PRKG2: variants seen among roughly 807,000 people sequenced by gnomAD.
PRKG2 encodes the protein cGMP-dependent protein kinase 2.
PRKG2 carries 33 observed loss-of-function variants against 97.2 expected under a neutral mutation model. The observed-to-expected ratio is 0.34, with a 90% CI of 0.26 to 0.45. The LOEUF is 0.45. Ranked by LOEUF, PRKG2 falls within the 20% of genes least tolerant of loss-of-function variation. PRKG2 has a pLI of 1.00. For synonymous variants in PRKG2, 330 were observed against 321.8 expected, an observed-to-expected ratio of 1.03 and a Z score of -0.27; for missense variants, 638 against 900.0, an observed-to-expected ratio of 0.71 and a Z score of 3.73.
At chr4:81,129,157 T>C (rs1231094157) in intron 14 of PRKG2, among the ~76,000 whole-genome samples, 1 of 152,228 alleles carries the variant, frequency 6.6e-6, no homozygotes, top group East Asian at 1.9e-4. Context: ...AGTTCTAATT[T>C]GATTGCCCTG....
At chr4:81,195,780 C>T (rs1056348528) in intron 2 of PRKG2, among the ~76,000 whole-genome samples, 6 of 152,272 alleles carry the variant, frequency 3.9e-5, no homozygotes, top group African/African-American at 1.4e-4. Context: ...TTGACGGACA[C>T]GGGGTTGTTT....
rs757292275 is a variant in PRKG2 at position 81,204,907 on chromosome 4, C to G, written c.141G>C (p.Arg47=). ...CCCGCAGCTCCTTCAAATGGTACTC[C>G]CGCTCCTGGATCTCAGCATCCTTCC... is the stretch of plus-strand genomic sequence containing the variant. ...LRRKDAEIQE[R]EYHLKELREQ... Residue 47 remains arginine (R), a synonymous_variant, in exon 2 of 19, where the codon CGG becomes CGC. Coordinates refer to ENST00000264399, the MANE Select transcript of PRKG2 (RefSeq NM_006259.3). 6.2e-7 allele frequency: 1 copy of G among 1,614,168 alleles called. No individual in the cohort carries two copies. The highest frequency in any genetic ancestry group is 8.5e-7 in the Non-Finnish European group (1 of 1,180,026).
At chr4:81,140,475 A>T (rs1468126363) in intron 12 of PRKG2, 58 bp downstream of exon 12, 4 of 1,369,048 alleles carry the variant, frequency 2.9e-6, no homozygotes, top group Non-Finnish European at 9.7e-7. Context: ...AATTTAAGTA[A>T]ATACATAAAT....
At position 81,088,001 on chromosome 4, in the gene PRKG2, C is replaced by T. The variant is rs1238805054; in HGVS notation, c.*1707G>A. On this transcript the variant is annotated 3_prime_UTR_variant, in exon 19 of 19. Coordinates refer to ENST00000264399, the MANE Select transcript of PRKG2 (RefSeq NM_006259.3). ...TAGGTTGGAAATTTAAAAATATATA[C>T]ATGGAAAAACATACAGTACAAACCA... 2 of 151,994 alleles carry T rather than the reference C, an allele frequency of 1.3e-5. No individual in the cohort carries two copies. Among genetic ancestry groups the T allele is most frequent in the Non-Finnish European group, 2.9e-5 (2 of 67,954 alleles). 9.4% of individuals were successfully genotyped at this position (151,994 alleles called of 1,614,324 possible).
intron 2 of PRKG2, among the ~76,000 whole-genome samples, chr4:81,189,752 A>C (rs1032307536): frequency 7.4e-6 from 1 of 136,020 alleles, no homozygotes; most frequent in African/African-American, 3.7e-5. Flanking sequence ...CCTAAAACTT[A>C]AAGTATAATA....
intron 14 of PRKG2, among the ~76,000 whole-genome samples, chr4:81,112,002 T>C (rs1040609033): frequency 6.6e-6 from 1 of 152,090 alleles, no homozygotes; most frequent in Non-Finnish European, 1.5e-5. Flanking sequence ...CATAACAAAA[T>C]AAGCCCTCAT....
intron 14 of PRKG2, among the ~76,000 whole-genome samples, chr4:81,130,097 A>C (rs924937715): frequency 1.5e-4 from 23 of 151,916 alleles, no homozygotes; most frequent in Admixed American, 1.5e-3. Context: ...GGGAATTTTC[A>C]GCCTTTTTGT....
chr4:81,090,725 CAGA>C (rs1362238739), intron 18 of PRKG2, among the ~76,000 whole-genome samples: 1 of 152,240 alleles, frequency 6.6e-6, no homozygotes, highest in East Asian at 1.9e-4. Context: ...AGAGATCATT[CAGA>C]AGGAGCTCAA....
At chr4:81,119,867 C>G (rs528346328) in intron 14 of PRKG2, among the ~76,000 whole-genome samples, 1 of 151,760 alleles carries the variant, frequency 6.6e-6, no homozygotes, top group Non-Finnish European at 1.5e-5. Flanking sequence ...GTAGAGACGG[C>G]GTTTCACTGT....
chr4:81,169,784 G>A lies in PRKG2; in HGVS notation c.743-16C>T, dbSNP rs772341639. The A allele has an allele frequency of 6.6e-7, 1 of 1,525,156 alleles. No homozygotes were observed. Among genetic ancestry groups the A allele is most frequent in the Non-Finnish European group, 9.0e-7 (1 of 1,112,640 alleles). The allele number at this position is 1,525,156 out of a possible 1,614,324, so 94.5% of individuals were successfully genotyped here. A position where few individuals can be genotyped will look rare whatever the true frequency, so the allele number is the denominator to read the frequency against. On this transcript the variant is annotated splice_polypyrimidine_tract_variant and intron_variant, in intron 4 of 18. Coordinates refer to ENST00000264399, the MANE Select transcript of PRKG2 (RefSeq NM_006259.3). ...TTGGTAATAGCTTTAGAAAATTCAA[G>A]AAAACAATAAAACACTTAGTACAAC...
chr4:81,111,626 T>C (rs1011566620), intron 14 of PRKG2, among the ~76,000 whole-genome samples: 1 of 152,110 alleles, frequency 6.6e-6, no homozygotes, highest in South Asian at 2.1e-4. Flanking sequence ...AATGAATCAG[T>C]GCTACCGTCC....
chr4:81,115,489 A>T (rs1744426839), intron 14 of PRKG2, among the ~76,000 whole-genome samples: 1 of 152,332 alleles, frequency 6.6e-6, no homozygotes, highest in Middle Eastern at 3.4e-3. Flanking sequence ...CAGTTTGCCA[A>T]GCTTCACAAA....
chr4:81,143,450 C>T (rs1747500109), intron 10 of PRKG2, among the ~76,000 whole-genome samples: 1 of 152,108 alleles, frequency 6.6e-6, no homozygotes, highest in Admixed American at 6.6e-5. Context: ...CATGGCTGAA[C>T]CAAAATAACT....
chr4:81,119,792 A>G (rs1744900992), intron 14 of PRKG2, among the ~76,000 whole-genome samples: 1 of 151,664 alleles, frequency 6.6e-6, no homozygotes, highest in South Asian at 2.1e-4. Flanking sequence ...CTCCTGCCTC[A>G]GCCTCCCGAG....
Position 81,153,678 on chromosome 4 carries a change from T to C in PRKG2, c.956A>G (p.Glu319Gly). Residue 319 changes from glutamate (E) to glycine (G), a missense_variant, in exon 7 of 19, where the codon GAA becomes GGA. Glu to Gly is a moderately conservative substitution (Grantham distance 98, BLOSUM62 -2). Coordinates refer to ENST00000264399, the MANE Select transcript of PRKG2 (RefSeq NM_006259.3). ...KGDYIIREGE[E>G]GSTFFILAKG... is the part of the protein sequence containing the mutation. ...TGCCAAAATGAAAAAGGTACTTCCT[T>C]CCTCGCCCTCTCTAATGATGTAATC... 3.7e-6 allele frequency: 6 copies of C among 1,604,598 alleles called. No individual in the cohort carries two copies. Among genetic ancestry groups the C allele is most frequent in the Non-Finnish European group, 5.1e-6 (6 of 1,171,400 alleles).
chr4:81,201,376 T>C (rs1444965229), intron 2 of PRKG2, among the ~76,000 whole-genome samples: 1 of 152,212 alleles, frequency 6.6e-6, no homozygotes, highest in Non-Finnish European at 1.5e-5. Context: ...AAAGTTCTAC[T>C]GGACAGCACT....
chr4:81,125,362 C>T (rs1410514431), intron 14 of PRKG2, among the ~76,000 whole-genome samples: 1 of 152,130 alleles, frequency 6.6e-6, no homozygotes, highest in Admixed American at 6.5e-5. Flanking sequence ...GCCACCTGTT[C>T]CAGAACTTTG....
intron 10 of PRKG2, 54 bp from the exon 11 acceptor site, chr4:81,143,001 C>T: frequency 6.7e-7 from 1 of 1,502,624 alleles, no homozygotes. Flanking sequence ...AAGAAGGTGT[C>T]ATGCCATACA....
intron 17 of PRKG2, among the ~76,000 whole-genome samples, chr4:81,092,984 A>C (rs2109941521): frequency 6.6e-6 from 1 of 152,312 alleles, no homozygotes; most frequent in East Asian, 1.9e-4. Context: ...TTATAGCATA[A>C]GTCAGGTCAC....
Sources: gnomAD v4.1 joint callset for allele counts (sites outside exome capture counted in the v4.1 genomes callset) on GRCh38, gnomAD v4.1.1 for gene constraint, MANE v1.5 for transcripts, NCBI Gene and HGNC (gene_info 2026-07-23, HGNC 2026-07-21) for gene names.